KCTD8: variants seen among roughly 807,000 people sequenced by gnomAD.
The protein encoded by KCTD8 is BTB/POZ domain-containing protein KCTD8.
In KCTD8, 27 loss-of-function variants were observed where a neutral mutation model predicts 31.5. That is an observed-to-expected ratio of 0.86 (90% CI 0.63 to 1.18). The LOEUF (loss-of-function observed/expected upper bound fraction) is 1.18. KCTD8 is among the 50% of genes most tolerant of loss of function. The pLI, the probability that KCTD8 is intolerant of heterozygous loss-of-function variation, is 0.00. For synonymous variants in KCTD8, 290 were observed against 280.0 expected (o/e 1.04, Z -0.36); for missense variants, 658 against 647.7 (o/e 1.02, Z -0.17).
chr4:44,289,738 G>A (rs1717214355), intron 1 of KCTD8, among the ~76,000 whole-genome samples: 1 of 152,112 alleles, frequency 6.6e-6, no homozygotes, highest in Non-Finnish European at 1.5e-5. Context: ...GAGAGACAGA[G>A]CTCCAGCCTG....
In KCTD8 at chr4:44,386,274, T is replaced by A. The variant is rs571230565; in HGVS notation, c.961+61289A>T. Among the ~76,000 whole-genome samples the A allele has an allele frequency of 7.1e-4, 107 of 151,498 alleles. 1 individual carries two copies. The South Asian group carries it at 0.022, about 31-fold the overall frequency. Reference sequence around the variant, plus strand: ...ATGTTTAGAGACGCCATATTCACAATAGCCAAGAGGTAGAAGCAACTGAGC... The same window carrying A: ...ATGTTTAGAGACGCCATATTCACAAAAGCCAAGAGGTAGAAGCAACTGAGC... On this transcript the variant is annotated intron_variant, in intron 1 of 1. Transcript: ENST00000360029.
At chr4:44,392,866 G>A (rs1577651935) in intron 1 of KCTD8, among the ~76,000 whole-genome samples, 1 of 151,916 alleles carries the variant, frequency 6.6e-6, no homozygotes, top group African/African-American at 2.4e-5. Context: ...CTGTACAGCT[G>A]AAAAAACATC....
intron 1 of KCTD8, among the ~76,000 whole-genome samples, chr4:44,253,211 C>T (rs560002135): frequency 2.4e-4 from 36 of 151,722 alleles, no homozygotes; most frequent in Non-Finnish European, 4.7e-4. Flanking sequence ...TGTTGCTCTC[C>T]TTATTTCTTG....
In KCTD8 at chr4:44,448,104, G is replaced by T; in HGVS notation, c.420C>A (p.Thr140=). ...TGGGCGACAGCAGCTTGACCAAGTC[G>T]GTGAGCTGGAAATACTCGGCCTCGC... ...LLREAEYFQL[T]DLVKLLSPKV... is the part of the protein sequence containing the mutation. Residue 140 remains threonine (T), a synonymous_variant, in exon 1 of 2, where the codon ACC becomes ACA. Coordinates refer to ENST00000360029, the MANE Select transcript of KCTD8 (RefSeq NM_198353.3). The surrounding 1 kb of genome is among the most constrained non-coding windows in gnomAD (Gnocchi z 4.1). 1 of 1,612,616 alleles carries T rather than the reference G, an allele frequency of 6.2e-7. No individual in the cohort carries two copies. The highest frequency in any genetic ancestry group is 1.1e-5 in the South Asian group (1 of 91,048).
chr4:44,258,155 A>G (rs1285490458), intron 1 of KCTD8, among the ~76,000 whole-genome samples: 1 of 152,020 alleles, frequency 6.6e-6, no homozygotes, highest in Non-Finnish European at 1.5e-5. Flanking sequence ...GTTAATTGTC[A>G]CAAATGAATT....
chr4:44,417,356 G>C (rs970698092), intron 1 of KCTD8, among the ~76,000 whole-genome samples: 2 of 152,054 alleles, frequency 1.3e-5, no homozygotes, highest in East Asian at 3.9e-4. Context: ...TAGCTCACAG[G>C]ATACTACTCG....
intron 1 of KCTD8, among the ~76,000 whole-genome samples, chr4:44,266,038 G>A (rs1343249008): frequency 1.3e-5 from 2 of 152,128 alleles, no homozygotes; most frequent in Non-Finnish European, 2.9e-5. Context: ...AGGAAATACA[G>A]AGAACGCCAC....
rs570037577 is a variant in KCTD8 at position 44,329,316 on chromosome 4, T to C, written c.961+118247A>G. ...GTTTCTTAGGCAGTAAGAAACTAAA[T>C]GAAAAACTGAGAGAGTATTTTTCTT... On this transcript the variant is annotated intron_variant, in intron 1 of 1. Coordinates refer to ENST00000360029, the MANE Select transcript of KCTD8 (RefSeq NM_198353.3). Among the ~76,000 whole-genome samples the C allele has an allele frequency of 3.3e-5, 5 of 151,966 alleles. No individual in the cohort carries two copies. In the East Asian group the frequency reaches 5.8e-4, roughly 18 times the overall value.
chr4:44,445,026 G>T (rs1721906609), intron 1 of KCTD8, among the ~76,000 whole-genome samples: 1 of 152,078 alleles, frequency 6.6e-6, no homozygotes, highest in Non-Finnish European at 1.5e-5. Flanking sequence ...GACAAACAAG[G>T]TCACCCAGTA....
chr4:44,303,509 A>G (rs1717698238), intron 1 of KCTD8, among the ~76,000 whole-genome samples: 1 of 152,042 alleles, frequency 6.6e-6, no homozygotes, highest in African/African-American at 2.4e-5. Context: ...ATTTGCTTAG[A>G]GGTGTAATAA....
intron 1 of KCTD8, among the ~76,000 whole-genome samples, chr4:44,275,913 A>C (rs1175011744): frequency 1.3e-5 from 2 of 152,098 alleles, no homozygotes; most frequent in East Asian, 3.9e-4. Flanking sequence ...TTCATAAGAC[A>C]TTAATTAACA....
intron 1 of KCTD8, among the ~76,000 whole-genome samples, chr4:44,404,205 A>C (rs1189448862): frequency 6.6e-6 from 1 of 152,252 alleles, no homozygotes; most frequent in Non-Finnish European, 1.5e-5. Flanking sequence ...AGAAATAGTC[A>C]TATATAATTG....
At chr4:44,175,640 T>C in intron 1 of KCTD8, among the ~76,000 whole-genome samples, 1 of 152,208 alleles carries the variant, frequency 6.6e-6, no homozygotes, top group Non-Finnish European at 1.5e-5. Context: ...AGCTCATTTT[T>C]GTTCTACCCA....
intron 1 of KCTD8, among the ~76,000 whole-genome samples, chr4:44,315,074 T>G (rs902444776): frequency 1.3e-5 from 2 of 151,820 alleles, no homozygotes; most frequent in African/African-American, 4.8e-5. Context: ...AGGGATTTTA[T>G]GCAATCCCTC....
intron 1 of KCTD8, among the ~76,000 whole-genome samples, chr4:44,229,728 T>C (rs1423314823): frequency 6.6e-6 from 1 of 152,296 alleles, no homozygotes; most frequent in East Asian, 1.9e-4. Flanking sequence ...GGTATGTCCC[T>C]TTTAAATGAA....
intron 1 of KCTD8, among the ~76,000 whole-genome samples, chr4:44,280,303 C>G (rs1454694221): frequency 6.6e-6 from 1 of 151,990 alleles, no homozygotes; most frequent in African/African-American, 2.4e-5. Context: ...GTAGGAGCCA[C>G]TGGACAATAT....
intron 1 of KCTD8, among the ~76,000 whole-genome samples, chr4:44,361,170 C>A (rs1719483778): frequency 6.6e-6 from 1 of 151,472 alleles, no homozygotes; most frequent in Admixed American, 6.6e-5. Context: ...TGTAAAGATC[C>A]TTATTTTACA....
intron 1 of KCTD8, among the ~76,000 whole-genome samples, chr4:44,403,856 T>C (rs1454095636): frequency 1.3e-5 from 2 of 151,942 alleles, no homozygotes; most frequent in Admixed American, 6.6e-5. Context: ...TAAAGACATA[T>C]GTTAGATGAT....
chr4:44,299,808 G>A (rs1234153243), intron 1 of KCTD8, among the ~76,000 whole-genome samples: 3 of 137,916 alleles, frequency 2.2e-5, no homozygotes, highest in South Asian at 2.3e-4. Context: ...TCACTCTGTC[G>A]CCCAGGCCAT....
Sources: allele counts gnomAD v4.1 joint callset (sites outside exome capture counted in the v4.1 genomes callset), GRCh38; gene constraint gnomAD v4.1.1; non-coding constraint Gnocchi (gnomAD v3.1); transcripts MANE v1.5; gene names NCBI Gene and HGNC (gene_info 2026-07-23, HGNC 2026-07-21).